Variants in PLCG2 observed in about 807,000 individuals in gnomAD.
PLCG2 encodes the protein 1-phosphatidylinositol 4,5-bisphosphate phosphodiesterase gamma-2.
In PLCG2, 69 loss-of-function variants were observed where a neutral mutation model predicts 175.6. The ratio of observed to expected loss-of-function variants is 0.39; its 90% CI spans 0.32 to 0.48. PLCG2 has a LOEUF of 0.48. Ranked by LOEUF, PLCG2 falls within the 20% of genes least tolerant of loss-of-function variation. The pLI is 0.91. For synonymous variants in PLCG2, 827 were observed against 624.0 expected (o/e 1.33, Z -4.85); for missense variants, 1,798 against 1,650.9 (o/e 1.09, Z -1.54).
At chr16:81,844,417 G>C (rs1230847860) in intron 2 of PLCG2, among the ~76,000 whole-genome samples, 1 of 152,146 alleles carries the variant, frequency 6.6e-6, no homozygotes, top group Non-Finnish European at 1.5e-5. Context: ...CCCACAATGG[G>C]TTCAAGTGAT....
In PLCG2 at chr16:81,937,608, A is replaced by G. The variant is rs576694861; in HGVS notation, c.3053-150A>G. 2.8e-4 allele frequency: 162 copies of G among 575,962 alleles called. 1 individual carries two copies. Among genetic ancestry groups the G allele is most frequent in the South Asian group, 3.5e-4 (13 of 37,604 alleles). The allele number at this position is 575,962 out of a possible 1,614,324, so 35.7% of individuals were successfully genotyped here. A position where few individuals can be genotyped will look rare whatever the true frequency, so the allele number is the denominator to read the frequency against. On this transcript the variant is annotated intron_variant, in intron 27 of 32. Transcript: ENST00000564138. ...TGGGAGTTTGCTGTCTAGAAACCCT[A>G]TATTTTCTTTGAGTGAGATACCTAT...
chr16:81,891,422 C>A, intron 10 of PLCG2, 50 bp from the exon 11 acceptor site: 2 of 1,033,586 alleles, frequency 1.9e-6, no homozygotes, highest in Non-Finnish European at 3.1e-6. Flanking sequence ...AAGCAGACAC[C>A]ATCCTGCCCG....
intron 19 of PLCG2, among the ~76,000 whole-genome samples, chr16:81,918,951 G>A (rs1909952534): frequency 1.3e-5 from 2 of 151,946 alleles, no homozygotes; most frequent in Non-Finnish European, 2.9e-5. Context: ...CCGAAGACAA[G>A]ATTTAATAAT....
chr16:81,778,908 G>A (rs562300419), upstream of PLCG2, among the ~76,000 whole-genome samples: 3 of 152,336 alleles, frequency 2.0e-5, no homozygotes, highest in South Asian at 4.1e-4. Flanking sequence ...CGATCCTCCC[G>A]TCTAGGCTTC....
At chr16:81,754,761 C>G (rs933121602) in intron 1 of PLCG2, among the ~76,000 whole-genome samples, 2 of 151,988 alleles carry the variant, frequency 1.3e-5, no homozygotes, top group African/African-American at 4.8e-5. Flanking sequence ...ACACCAATAA[C>G]TGCTCTGGGA....
intron 13 of PLCG2, chr16:81,898,453 G>T (rs552630908): frequency 6.6e-6 from 1 of 152,298 alleles, no homozygotes; most frequent in African/African-American, 2.4e-5. Flanking sequence ...CAGGATCGGG[G>T]AGTGAGCTGG....
chr16:81,895,931 A>C lies in PLCG2; in HGVS notation c.1193+4A>C. The C allele has an allele frequency of 6.2e-7, 1 of 1,614,074 alleles. No individual in the cohort carries two copies. Among genetic ancestry groups the C allele is most frequent in the Non-Finnish European group, 8.5e-7 (1 of 1,179,980 alleles). ...ACCACGCCTTTGTTACCTCGAGGTC[A>C]GTTGGCTGATTTCTGGGTGGTGTGA... On this transcript the variant is annotated splice_donor_region_variant and intron_variant, in intron 13 of 32. Transcript: ENST00000564138.
At chr16:81,782,245 A>T (rs62047669) in intron 1 of PLCG2, among the ~76,000 whole-genome samples, 128,470 of 151,936 alleles carry the variant, frequency 0.85, 54,385 homozygotes, top group South Asian at 0.95. Flanking sequence ...TACAAGAAAA[A>T]CCTTTAGAAG....
At chr16:81,786,943 C>G (rs1910997556) in intron 2 of PLCG2, among the ~76,000 whole-genome samples, 1 of 152,240 alleles carries the variant, frequency 6.6e-6, no homozygotes. Flanking sequence ...TTACTTTTAT[C>G]TTCCAAAATA....
chr16:81,751,153 G>C (rs923657703), intron 1 of PLCG2, among the ~76,000 whole-genome samples: 3 of 150,942 alleles, frequency 2.0e-5, no homozygotes, highest in South Asian at 2.1e-4. Flanking sequence ...GCTAATTTTA[G>C]TATGTTTAGT....
intron 2 of PLCG2, among the ~76,000 whole-genome samples, chr16:81,791,186 G>A (rs1911215736): frequency 6.6e-6 from 1 of 152,184 alleles, no homozygotes; most frequent in Admixed American, 6.5e-5. Flanking sequence ...GCAAGATTGT[G>A]TGCTTAGTAC....
chr16:81,879,826 G>A (rs1333177775), intron 7 of PLCG2, among the ~76,000 whole-genome samples: 8 of 152,164 alleles, frequency 5.3e-5, no homozygotes, highest in East Asian at 1.9e-4. Context: ...GCTCCATGGC[G>A]CCCCCCTTGG....
chr16:81,801,934 G>C (rs1911738549), intron 2 of PLCG2, among the ~76,000 whole-genome samples: 2 of 151,876 alleles, frequency 1.3e-5, no homozygotes, highest in Non-Finnish European at 2.9e-5. Context: ...ACCCACCTCA[G>C]CCTCCCAAAG....
chr16:81,920,454 TAAAGC>T (rs1378830620), intron 20 of PLCG2, among the ~76,000 whole-genome samples: 11 of 152,104 alleles, frequency 7.2e-5, no homozygotes, highest in Admixed American at 7.2e-4. Context: ...TGAAATATAA[TAAAGC>T]AAAGAAAACA....
chr16:81,854,370 C>A, intron 2 of PLCG2, 74 bp from the exon 3 acceptor site: 1 of 1,372,944 alleles, frequency 7.3e-7, no homozygotes, highest in Non-Finnish European at 1.0e-6. Flanking sequence ...TGTGCCTGGG[C>A]TGCAGTTGTG....
chr16:81,812,749 A>G (rs1235406217), intron 2 of PLCG2, among the ~76,000 whole-genome samples: 1 of 152,166 alleles, frequency 6.6e-6, no homozygotes, highest in African/African-American at 2.4e-5. Flanking sequence ...GTCTTTGCCC[A>G]TGCCTATGTC....
At chr16:81,790,560 G>A (rs1015126056) in intron 2 of PLCG2, among the ~76,000 whole-genome samples, 1 of 152,210 alleles carries the variant, frequency 6.6e-6, no homozygotes, top group South Asian at 2.1e-4. Context: ...TTTCCTCACG[G>A]GGTTCTGGTT....
Position 81,960,440 on chromosome 16 carries a change from C to G in PLCG2, c.*2442C>G. On this transcript the variant is annotated 3_prime_UTR_variant, in exon 33 of 33. Coordinates refer to ENST00000564138, the MANE Select transcript of PLCG2 (RefSeq NM_002661.5). ...ATATGTATTACACTGTTTTTGTTCACCATTTTCCTAAGTGTGTTATTTAGA... is the reference window on the plus strand; with the variant it reads ...ATATGTATTACACTGTTTTTGTTCAGCATTTTCCTAAGTGTGTTATTTAGA... 1 of 227,502 alleles carries G rather than the reference C, an allele frequency of 4.4e-6. No homozygotes were observed. The highest frequency in any genetic ancestry group is 6.4e-5 in the East Asian group (1 of 15,748). The allele number at this position is 227,502 out of a possible 1,614,324, so 14.1% of individuals were successfully genotyped here. A position where few individuals can be genotyped will look rare whatever the true frequency, so the allele number is the denominator to read the frequency against.
Position 81,938,004 on chromosome 16 carries a change from G to A in PLCG2, c.3198+101G>A, listed in dbSNP as rs1421125290. 5 of 1,111,168 alleles carry A rather than the reference G, an allele frequency of 4.5e-6. No individual in the cohort carries two copies. In the East Asian group the frequency reaches 9.9e-5, roughly 22 times the overall value. 68.8% of individuals were successfully genotyped at this position (1,111,168 alleles called of 1,614,324 possible). On this transcript the variant is annotated intron_variant, in intron 28 of 32. Transcript: ENST00000564138. ...CAGGGAACCCATGTCTAGGGAGGCT[G>A]GTTGTCTTGTTTAAACGATCCCCAT...
Sources: allele counts gnomAD v4.1 joint callset (sites outside exome capture counted in the v4.1 genomes callset), GRCh38; gene constraint gnomAD v4.1.1; transcripts MANE v1.5; gene names NCBI Gene and HGNC (gene_info 2026-07-23, HGNC 2026-07-21).